Variants in ANKRD30B observed in about 807,000 individuals in gnomAD.
ANKRD30B encodes ankyrin repeat domain 30B.
In ANKRD30B, 144 loss-of-function variants were observed where a neutral mutation model predicts 202.2. The ratio of observed to expected loss-of-function variants is 0.71; its 90% CI spans 0.62 to 0.82. The LOEUF (loss-of-function observed/expected upper bound fraction) is 0.82, where lower values mean the gene tolerates loss of function less well. Ranked by LOEUF, ANKRD30B falls within the 40% of genes least tolerant of loss-of-function variation. The pLI is 0.00. For synonymous variants in ANKRD30B, 508 were observed against 561.3 expected (o/e 0.91, Z 1.34); for missense variants, 1,487 against 1,669.1 (o/e 0.89, Z 1.90).
At chr18:14,832,276 T>C (rs1461014279) in intron 34 of ANKRD30B, among the ~76,000 whole-genome samples, 1 of 152,162 alleles carries the variant, frequency 6.6e-6, no homozygotes, top group African/African-American at 2.4e-5. Context: ...TGTGAGGATG[T>C]TTTCTAAGTT....
intron 7 of ANKRD30B, among the ~76,000 whole-genome samples, chr18:14,767,672 A>G (rs1234569106): frequency 6.6e-6 from 1 of 151,132 alleles, no homozygotes; most frequent in Admixed American, 6.6e-5. Flanking sequence ...TTGAGCCATG[A>G]TAATGTTGAT....
In ANKRD30B at chr18:14,808,960, T is replaced by C. The variant is rs1598654440; in HGVS notation, c.2386+216T>C. Among the ~76,000 whole-genome samples, 3 of 150,888 alleles carry C rather than the reference T, an allele frequency of 2.0e-5. No individual in the cohort carries two copies. In the East Asian group the frequency reaches 5.8e-4, roughly 29 times the overall value. On this transcript the variant is annotated intron_variant, in intron 26 of 43. Coordinates refer to ENST00000690538, the MANE Select transcript of ANKRD30B (RefSeq NM_001367607.2). ...AATTCAGCTTTGCCTCATGTGGATA[T>C]CTGTCCAGCAGCCTGCAATGCAATG...
At chr18:14,807,932 T>A (rs1052327275) in intron 24 of ANKRD30B, among the ~76,000 whole-genome samples, 17 of 151,006 alleles carry the variant, frequency 1.1e-4, no homozygotes, top group Non-Finnish European at 1.8e-4. Context: ...GTAAAAATAC[T>A]CCTATATCAC....
At chr18:14,912,751 C>G in the ANKRD30B span, among the ~76,000 whole-genome samples, 992 of 152,298 alleles carry the variant, frequency 6.5e-3, 18 homozygotes, top group African/African-American at 0.023. Context: ...CCCTGGGTTT[C>G]TACTTCTTGG....
At chr18:14,753,904 A>G (rs1452447182) in intron 3 of ANKRD30B, among the ~76,000 whole-genome samples, 1 of 152,118 alleles carries the variant, frequency 6.6e-6, no homozygotes. Flanking sequence ...AAGCCATTTT[A>G]TTCATATTTT....
chr18:14,860,000 CAG>C, the ANKRD30B span, among the ~76,000 whole-genome samples: 1 of 124,734 alleles, frequency 8.0e-6, no homozygotes, highest in East Asian at 2.7e-4. Context: ...ACTTCCCAGA[CAG>C]GGTGGGAGCT....
chr18:14,907,110 G>A, the ANKRD30B span, among the ~76,000 whole-genome samples: 7 of 152,102 alleles, frequency 4.6e-5, no homozygotes, highest in Non-Finnish European at 1.0e-4. Flanking sequence ...TAGATTGTAA[G>A]TGTTTCTTAT....
the ANKRD30B span, among the ~76,000 whole-genome samples, chr18:14,899,123 GCCTATC>G: frequency 6.6e-6 from 1 of 151,930 alleles, no homozygotes; most frequent in Non-Finnish European, 1.5e-5. Context: ...TAAAAAATTT[GCCTATC>G]AAAAATAAAT....
intron 34 of ANKRD30B, among the ~76,000 whole-genome samples, chr18:14,835,825 T>A (rs1415956777): frequency 6.6e-6 from 1 of 152,000 alleles, no homozygotes; most frequent in African/African-American, 2.4e-5. Flanking sequence ...CTTATAATTC[T>A]ATGGGTAAGC....
chr18:14,919,408 C>T, the ANKRD30B span, among the ~76,000 whole-genome samples: 1 of 152,266 alleles, frequency 6.6e-6, no homozygotes, highest in East Asian at 1.9e-4. Flanking sequence ...TGCAGCTCTC[C>T]CTGCTCTGGG....
At chr18:14,925,947 T>C in the ANKRD30B span, among the ~76,000 whole-genome samples, 1 of 152,220 alleles carries the variant, frequency 6.6e-6, no homozygotes, top group Non-Finnish European at 1.5e-5. Context: ...CCACCTGTCC[T>C]GTGCTCACAA....
the ANKRD30B span, among the ~76,000 whole-genome samples, chr18:14,940,938 A>G: frequency 6.6e-6 from 1 of 151,746 alleles, no homozygotes; most frequent in Non-Finnish European, 1.5e-5. Context: ...AGTCCCAGGG[A>G]CTCTTATGTA....
At chr18:14,778,603 A>G (rs1967526076) in intron 10 of ANKRD30B, among the ~76,000 whole-genome samples, 1 of 152,196 alleles carries the variant, frequency 6.6e-6, no homozygotes, top group Non-Finnish European at 1.5e-5. Flanking sequence ...TAATATAAGC[A>G]TATTTGCACA....
the ANKRD30B span, among the ~76,000 whole-genome samples, chr18:14,896,654 C>G: frequency 3.4e-5 from 5 of 145,172 alleles, no homozygotes; most frequent in African/African-American, 1.3e-4. Context: ...ATCTTCTTCC[C>G]CAATGGATAA....
At chr18:14,855,978 G>A (rs1399993369), downstream of ANKRD30B, among the ~76,000 whole-genome samples, 2 of 143,948 alleles carry the variant, frequency 1.4e-5, no homozygotes, top group Admixed American at 6.9e-5. Context: ...TGGGCAGCTG[G>A]GCAAAGGCGC....
At chr18:14,787,145 A>G (rs1475673720) in intron 15 of ANKRD30B, 45 bp downstream of exon 15, 2 of 1,524,672 alleles carry the variant, frequency 1.3e-6, no homozygotes, top group East Asian at 2.3e-5. Context: ...ATTGCATGAG[A>G]TGAAAACATA....
At chr18:14,767,356 G>A (rs1916403265) in intron 7 of ANKRD30B, among the ~76,000 whole-genome samples, 2 of 152,064 alleles carry the variant, frequency 1.3e-5, no homozygotes, top group Admixed American at 1.3e-4. Flanking sequence ...TTCTATATAT[G>A]CATATTTATG....
chr18:14,764,210 A>G, intron 7 of ANKRD30B, 120 bp downstream of exon 7: 1 of 1,038,962 alleles, frequency 9.6e-7, no homozygotes, highest in Non-Finnish European at 1.3e-6. Context: ...AGCTTAGGCA[A>G]CACTTTTTAA....
At chr18:14,901,206 C>T in the ANKRD30B span, among the ~76,000 whole-genome samples, 3 of 152,164 alleles carry the variant, frequency 2.0e-5, no homozygotes, top group African/African-American at 7.2e-5. Context: ...TTTTGTCATT[C>T]ATAGACAATA....
Sources: gnomAD v4.1 joint callset for allele counts (sites outside exome capture counted in the v4.1 genomes callset) on GRCh38, gnomAD v4.1.1 for gene constraint, MANE v1.5 for transcripts, NCBI Gene and HGNC (gene_info 2026-07-23, HGNC 2026-07-21) for gene names.